Variants in COL1A2 observed in about 807,000 individuals in gnomAD.
COL1A2 encodes collagen alpha-2(I) chain.
Under a neutral mutation model 174.3 loss-of-function variants are expected in COL1A2, and 49 were observed. That is an observed-to-expected ratio of 0.28 (90% confidence interval 0.22 to 0.36). The LOEUF (loss-of-function observed/expected upper bound fraction) is 0.36, where lower values mean the gene tolerates loss of function less well. Among genes scored for constraint, COL1A2 ranks in the 10% least tolerant of loss-of-function variants. The probability of loss-of-function intolerance (pLI) is 1.00; values close to 1 mark genes in which losing one functional copy is unlikely to be tolerated. For missense variants in COL1A2, 1,438 were observed against 1,822.7 expected, an observed-to-expected ratio of 0.79 and a Z score of 3.84; for synonymous variants, 655 against 606.6, an observed-to-expected ratio of 1.08 and a Z score of -1.17.
At chr7:94,401,137 T>G (rs1384230819) in intron 5 of COL1A2, among the ~76,000 whole-genome samples, 4 of 152,218 alleles carry the variant, frequency 2.6e-5, no homozygotes, top group Non-Finnish European at 4.4e-5. Flanking sequence ...AAAAGATCTC[T>G]TAGTCATTTT....
At chr7:94,425,964 T>C in intron 44 of COL1A2, 34 bp from the exon 45 acceptor site, 1 of 1,612,662 alleles carries the variant, frequency 6.2e-7, no homozygotes, top group Non-Finnish European at 8.5e-7. Context: ...ATCTTGGGCC[T>C]AGCTAAGTTG....
chr7:94,404,410 T>G (rs1791751394), intron 6 of COL1A2, 146 bp from the exon 7 acceptor site: 2 of 817,388 alleles, frequency 2.4e-6, no homozygotes. Context: ...GCAGGAAGTT[T>G]GAGTCCTTAA....
intron 42 of COL1A2, 68 bp downstream of exon 42, chr7:94,425,292 G>A: frequency 1.4e-6 from 2 of 1,415,738 alleles, no homozygotes; most frequent in Non-Finnish European, 2.0e-6. Context: ...TTTATGTCCT[G>A]AGCTGAGGTT....
At chr7:94,415,394 T>A in intron 30 of COL1A2, 124 bp downstream of exon 30, 1 of 856,578 alleles carries the variant, frequency 1.2e-6, no homozygotes, top group Non-Finnish European at 2.0e-6. Context: ...TAGTCAAATG[T>A]AATCTGTAGA....
Position 94,425,131 on chromosome 7 carries a change from T to C in COL1A2, c.2688T>C (p.Pro896=). The C allele has an allele frequency of 6.2e-7, 1 of 1,614,132 alleles. No individual in the cohort carries two copies. The change falls in exon 42 of 52, where the codon CCT becomes CCC. Residue 896 remains proline, a synonymous_variant. Coordinates refer to ENST00000297268, the MANE Select transcript of COL1A2 (RefSeq NM_000089.4). ...TGCCTGTTTAGGGTGAACCTGGTCC[T>C]CTTGGCATTGCCGGCCCTCCTGGGG... ...GVAGAVGEPG[P]LGIAGPPGAR...
chr7:94,411,250 AG>A, intron 23 of COL1A2, 96 bp downstream of exon 23: 3 of 1,026,580 alleles, frequency 2.9e-6, no homozygotes, highest in Non-Finnish European at 4.4e-6. Context: ...AAACATCAAA[AG>A]TAAATTTGTT....
chr7:94,429,725 TTTAAATGGTAA>T (rs1433657826), intron 51 of COL1A2: 16 of 337,854 alleles, frequency 4.7e-5, no homozygotes, highest in Non-Finnish European at 7.6e-5. Flanking sequence ...TAGCATGTTT[TTTAAATGGTAA>T]TGTGTGCCCA....
intron 31 of COL1A2, 163 bp from the exon 32 acceptor site, chr7:94,417,561 C>G (rs1226859328): frequency 1.5e-6 from 1 of 659,896 alleles, no homozygotes; most frequent in African/African-American, 1.8e-5. Context: ...CAGCATCTCT[C>G]TCTGCTATAT....
intron 30 of COL1A2, 29 bp from the exon 31 acceptor site, chr7:94,416,376 G>A (rs1207180818): frequency 2.0e-6 from 3 of 1,528,274 alleles, no homozygotes; most frequent in Middle Eastern, 1.7e-4. Context: ...GATGAATGGT[G>A]CAACACTTCT....
intron 12 of COL1A2, among the ~76,000 whole-genome samples, 159 bp downstream of exon 12, chr7:94,406,462 G>A (rs192527888): frequency 3.3e-5 from 5 of 151,926 alleles, no homozygotes; most frequent in African/African-American, 1.2e-4. Context: ...GGGACTATGA[G>A]AGTCTGTGAA....
intron 50 of COL1A2, among the ~76,000 whole-genome samples, chr7:94,428,817 CT>C: frequency 6.6e-6 from 1 of 152,170 alleles, no homozygotes; most frequent in Non-Finnish European, 1.5e-5. Context: ...TTAATCAAAC[CT>C]TTTCACCAAC....
chr7:94,396,891 G>A (rs1010760153), intron 1 of COL1A2, among the ~76,000 whole-genome samples: 1 of 152,110 alleles, frequency 6.6e-6, no homozygotes, highest in East Asian at 1.9e-4. Flanking sequence ...TGCAAGCTTG[G>A]CCACACTTGT....
chr7:94,421,835 C>A, intron 38 of COL1A2, 64 bp from the exon 39 acceptor site: 2 of 1,516,118 alleles, frequency 1.3e-6, no homozygotes, highest in South Asian at 1.1e-5. Flanking sequence ...CAAAGAAATT[C>A]CCATCTTACC....
intron 16 of COL1A2, 104 bp downstream of exon 16, chr7:94,408,927 AC>A: frequency 9.3e-7 from 1 of 1,077,602 alleles, no homozygotes; most frequent in Non-Finnish European, 1.4e-6. Flanking sequence ...CGAAACAGTT[AC>A]CTTAATTATT....
Position 94,400,200 on chromosome 7 carries a change from C to T in COL1A2, c.137C>T (p.Pro46Leu), listed in dbSNP as rs1172711296. ...GDRGPRGERG[P>L]PGPPGRDGED... ...TACTCACTTTTTACATAACAGGGTC[C>T]ACCAGGCCCCCCAGGCAGAGATGGT... is the stretch of plus-strand genomic sequence containing the variant. The change falls in exon 5 of 52, where the codon CCA (proline) becomes CTA (leucine). Residue 46 changes from proline to leucine, a missense_variant. Transcript: ENST00000297268. 2 of 1,613,594 alleles carry T rather than the reference C, an allele frequency of 1.2e-6. No individual in the cohort carries two copies. Among genetic ancestry groups the T allele is most frequent in the African/African-American group, 2.7e-5 (2 of 74,776 alleles).
chr7:94,421,110 A>C, intron 38 of COL1A2, 48 bp downstream of exon 38: 1 of 1,594,890 alleles, frequency 6.3e-7, no homozygotes, highest in Non-Finnish European at 8.6e-7. Context: ...TTCAGAATCT[A>C]TTAAGGACAC....
intron 23 of COL1A2, 118 bp from the exon 24 acceptor site, chr7:94,411,950 C>A (rs1022218344): frequency 6.3e-6 from 5 of 789,876 alleles, no homozygotes; most frequent in Non-Finnish European, 1.1e-5. Context: ...TAATGATTTA[C>A]CCTAGGCAAC....
intron 16 of COL1A2, 29 bp downstream of exon 16, chr7:94,408,852 C>T (rs1423165915): frequency 5.0e-6 from 8 of 1,596,392 alleles, no homozygotes; most frequent in Non-Finnish European, 6.9e-6. Flanking sequence ...ATTGTCACTA[C>T]TTTGATAAAC....
At chr7:94,397,484 C>T (rs1011622819) in intron 1 of COL1A2, among the ~76,000 whole-genome samples, 5 of 152,016 alleles carry the variant, frequency 3.3e-5, no homozygotes, top group African/African-American at 4.8e-5. Context: ...TATTTCACAA[C>T]AGTTATAAAA....
Sources: allele counts gnomAD v4.1 joint callset (sites outside exome capture counted in the v4.1 genomes callset), GRCh38; gene constraint gnomAD v4.1.1; transcripts MANE v1.5; gene names NCBI Gene and HGNC (gene_info 2026-07-23, HGNC 2026-07-21).